The following ARHGAP24 variants were observed in gnomAD, a reference collection of about 807,000 sequenced individuals.
ARHGAP24 encodes Rho GTPase activating protein 24.
ARHGAP24 carries 50 observed loss-of-function variants against 76.4 expected under a neutral mutation model. The observed-to-expected ratio is 0.65, with a 90% CI of 0.52 to 0.83. The LOEUF (loss-of-function observed/expected upper bound fraction) is 0.83, where lower values mean the gene tolerates loss of function less well. ARHGAP24 is among the 40% of genes least tolerant of loss of function. ARHGAP24 has a pLI of 0.00. For synonymous variants in ARHGAP24, 345 were observed against 323.3 expected, an observed-to-expected ratio of 1.07 and a Z score of -0.72; for missense variants, 930 against 914.2, an observed-to-expected ratio of 1.02 and a Z score of -0.22.
chr4:85,626,514 A>T (rs931784588), intron 2 of ARHGAP24, among the ~76,000 whole-genome samples: 37 of 151,884 alleles, frequency 2.4e-4, no homozygotes, highest in Non-Finnish European at 1.2e-4. Context: ...TAACATTTTT[A>T]CCTTCATTTC....
intron 3 of ARHGAP24, among the ~76,000 whole-genome samples, chr4:85,891,383 C>A (rs552365956): frequency 1.6e-5 from 2 of 125,220 alleles, no homozygotes; most frequent in South Asian, 6.5e-4. Flanking sequence ...CTGGCCAGAA[C>A]TTCCAACACT....
At chr4:85,782,128 G>A (rs1727595507) in intron 3 of ARHGAP24, among the ~76,000 whole-genome samples, 1 of 150,978 alleles carries the variant, frequency 6.6e-6, no homozygotes, top group Non-Finnish European at 1.5e-5. Flanking sequence ...TAGGTGGCAT[G>A]ACTTATTTTA....
chr4:85,761,854 A>T (rs1578204898), intron 3 of ARHGAP24, among the ~76,000 whole-genome samples: 1 of 152,180 alleles, frequency 6.6e-6, no homozygotes, highest in Non-Finnish European at 1.5e-5. Context: ...TTTTCCTGGG[A>T]AAAGCACAGC....
At chr4:85,684,620 C>G (rs574013540) in intron 2 of ARHGAP24, among the ~76,000 whole-genome samples, 11 of 152,266 alleles carry the variant, frequency 7.2e-5, no homozygotes, top group African/African-American at 2.6e-4. Context: ...TTTTGTGGAT[C>G]TGCAGTGTAT....
At chr4:85,569,933 A>T (rs1391592036) in intron 1 of ARHGAP24, among the ~76,000 whole-genome samples, 1 of 152,244 alleles carries the variant, frequency 6.6e-6, no homozygotes, top group Non-Finnish European at 1.5e-5. Context: ...TGTGCCCAAC[A>T]GACACAGAGG....
chr4:85,983,071 C>G (rs1739771776), intron 8 of ARHGAP24, among the ~76,000 whole-genome samples: 1 of 152,128 alleles, frequency 6.6e-6, no homozygotes, highest in South Asian at 2.1e-4. Flanking sequence ...GCTTCCAGCT[C>G]CATCCATGTC....
At chr4:85,733,624 G>T (rs1250981822) in intron 3 of ARHGAP24, among the ~76,000 whole-genome samples, 4 of 152,088 alleles carry the variant, frequency 2.6e-5, no homozygotes, top group Non-Finnish European at 5.9e-5. Flanking sequence ...TATTTTCTCA[G>T]GATTCTGGAG....
intron 3 of ARHGAP24, among the ~76,000 whole-genome samples, chr4:85,843,478 A>G (rs1730712627): frequency 6.6e-6 from 1 of 151,956 alleles, no homozygotes; most frequent in African/African-American, 2.4e-5. Context: ...TGGACTTCAA[A>G]TTTAATTTAA....
intron 2 of ARHGAP24, among the ~76,000 whole-genome samples, chr4:85,718,755 T>C (rs1302101084): frequency 1.3e-5 from 2 of 152,186 alleles, no homozygotes; most frequent in African/African-American, 2.4e-5. Context: ...TGTCAAAATA[T>C]AAAATTTATA....
intron 3 of ARHGAP24, among the ~76,000 whole-genome samples, chr4:85,845,785 T>C (rs1419645620): frequency 6.6e-6 from 1 of 152,214 alleles, no homozygotes; most frequent in African/African-American, 2.4e-5. Context: ...TTGGTGGGTA[T>C]TGGGAGGATT....
chr4:85,854,994 G>C (rs1201514050), intron 3 of ARHGAP24, among the ~76,000 whole-genome samples: 1 of 152,170 alleles, frequency 6.6e-6, no homozygotes, highest in Non-Finnish European at 1.5e-5. Context: ...TGTTCTTATA[G>C]AAGTACCAGG....
intron 3 of ARHGAP24, among the ~76,000 whole-genome samples, chr4:85,916,509 A>G (rs577697303): frequency 3.3e-5 from 5 of 152,154 alleles, no homozygotes; most frequent in Non-Finnish European, 5.9e-5. Context: ...AATACTTAAA[A>G]AAATAAATAA....
rs77735860 is a variant in ARHGAP24, at chr4:85,506,901, T to C, written c.-21+31342T>C. Among the ~76,000 whole-genome samples, 396 of 151,836 alleles carry C rather than the reference T, an allele frequency of 2.6e-3. 2 individuals are homozygous for C. Among genetic ancestry groups the C allele is most frequent in the East Asian group, 0.016 (81 of 5,158 alleles). On this transcript the variant is annotated intron_variant, in intron 1 of 9. Coordinates refer to ENST00000395184, the MANE Select transcript of ARHGAP24 (RefSeq NM_001025616.3). ...GGAATGGGATCTAAGCCTTTTTTTT[T>C]CCCCCCATGTGGAACTTAGAAATGT...
At chr4:85,934,597 C>T (rs1736525458) in intron 4 of ARHGAP24, among the ~76,000 whole-genome samples, 1 of 152,122 alleles carries the variant, frequency 6.6e-6, no homozygotes, top group Non-Finnish European at 1.5e-5. Context: ...TCACTGCAAC[C>T]TCCGCCTCCC....
At chr4:85,867,770 C>G (rs1193709027) in intron 3 of ARHGAP24, among the ~76,000 whole-genome samples, 1 of 150,118 alleles carries the variant, frequency 6.7e-6, no homozygotes, top group African/African-American at 2.4e-5. Flanking sequence ...CTTTAAAGGA[C>G]TTTTAGATCA....
At chr4:85,683,004 T>C (rs1257240459) in intron 2 of ARHGAP24, among the ~76,000 whole-genome samples, 1 of 151,410 alleles carries the variant, frequency 6.6e-6, no homozygotes, top group Non-Finnish European at 1.5e-5. Context: ...GAGGGAAAAT[T>C]ATAGATTTCT....
intron 3 of ARHGAP24, among the ~76,000 whole-genome samples, chr4:85,771,058 T>C (rs1727113660): frequency 6.6e-6 from 1 of 152,228 alleles, no homozygotes; most frequent in African/African-American, 2.4e-5. Context: ...TTATATTTCA[T>C]AGCCATGGTG....
intron 1 of ARHGAP24, among the ~76,000 whole-genome samples, chr4:85,541,631 T>C (rs2110123332): frequency 6.6e-6 from 1 of 152,182 alleles, no homozygotes; most frequent in Non-Finnish European, 1.5e-5. Flanking sequence ...TTGTACCAAT[T>C]GCATGATGAT....
At chr4:85,830,241 A>G (rs1203133699) in intron 3 of ARHGAP24, among the ~76,000 whole-genome samples, 1 of 152,184 alleles carries the variant, frequency 6.6e-6, no homozygotes, top group Non-Finnish European at 1.5e-5. Flanking sequence ...ACAAGGAAGC[A>G]GTTTTGATGT....
Sources: allele counts gnomAD v4.1 joint callset (sites outside exome capture counted in the v4.1 genomes callset), GRCh38; gene constraint gnomAD v4.1.1; transcripts MANE v1.5; gene names NCBI Gene and HGNC (gene_info 2026-07-23, HGNC 2026-07-21).